The following CADM2 variants were observed in gnomAD, a reference collection of about 807,000 sequenced individuals.
The protein encoded by CADM2 is immunoglobulin superfamily member 4D.
A neutral mutation model predicts 49.8 loss-of-function variants in CADM2; 12 were observed. That is an observed-to-expected ratio of 0.24 (90% CI 0.15 to 0.39). The LOEUF is 0.39. Ranked by LOEUF, CADM2 falls within the 10% of genes least tolerant of loss-of-function variation. The probability of loss-of-function intolerance (pLI) is 1.00; values close to 1 mark genes in which losing one functional copy is unlikely to be tolerated. For synonymous variants in CADM2, 214 were observed against 175.4 expected (o/e 1.22, Z -1.74); for missense variants, 378 against 492.3 (o/e 0.77, Z 2.20).
At chr3:85,409,793 A>C (rs1426766657) in intron 1 of CADM2, among the ~76,000 whole-genome samples, 6 of 152,120 alleles carry the variant, frequency 3.9e-5, no homozygotes, top group Admixed American at 2.6e-4. Context: ...CTGTCACTAG[A>C]TGTGAAAGAT....
intron 1 of CADM2, among the ~76,000 whole-genome samples, chr3:85,464,126 A>C (rs2038381896): frequency 6.6e-6 from 1 of 152,176 alleles, no homozygotes; most frequent in Non-Finnish European, 1.5e-5. Flanking sequence ...ATTTTGGTGA[A>C]TAATGAGACC....
At chr3:85,770,544 C>G (rs1377539499) in intron 2 of CADM2, among the ~76,000 whole-genome samples, 30 of 152,066 alleles carry the variant, frequency 2.0e-4, no homozygotes, top group Admixed American at 2.0e-3. Context: ...GTCTGAAACT[C>G]CTGGGCTCAA....
chr3:85,039,266 G>A (rs554740309), intron 1 of CADM2, among the ~76,000 whole-genome samples: 4 of 152,070 alleles, frequency 2.6e-5, no homozygotes, highest in Non-Finnish European at 5.9e-5. Context: ...CTCCCAAAGT[G>A]CTGAGCCCCA....
At chr3:85,751,345 G>A (rs994768071) in intron 2 of CADM2, among the ~76,000 whole-genome samples, 2 of 152,086 alleles carry the variant, frequency 1.3e-5, no homozygotes, top group African/African-American at 2.4e-5. Flanking sequence ...CAGGATTGAA[G>A]AGTAAAACTC....
At chr3:85,832,907 C>T (rs1226103992) in intron 3 of CADM2, among the ~76,000 whole-genome samples, 1 of 151,850 alleles carries the variant, frequency 6.6e-6, no homozygotes, top group Non-Finnish European at 1.5e-5. Context: ...ATGCTTCCAG[C>T]TTCCGCTCAT....
chr3:85,205,072 C>CAGTAGTGT (rs1429101577), intron 1 of CADM2, among the ~76,000 whole-genome samples: 1 of 147,758 alleles, frequency 6.8e-6, no homozygotes, highest in African/African-American at 2.5e-5. Flanking sequence ...GGCTGGAGTG[C>CAGTAGTGT]AGTAGTGTAA....
At chr3:85,531,686 T>G (rs1275155087) in intron 1 of CADM2, among the ~76,000 whole-genome samples, 2 of 152,154 alleles carry the variant, frequency 1.3e-5, no homozygotes. Context: ...AAAATACATA[T>G]CCTTTTATAG....
chr3:85,290,228 G>A (rs541851665), intron 1 of CADM2, among the ~76,000 whole-genome samples: 6 of 152,268 alleles, frequency 3.9e-5, no homozygotes, highest in East Asian at 3.9e-4. Context: ...GCGCTTTTCC[G>A]ATCGGCTTAA....
At chr3:85,779,905 A>G (rs2070548060) in intron 2 of CADM2, among the ~76,000 whole-genome samples, 1 of 152,202 alleles carries the variant, frequency 6.6e-6, no homozygotes, top group South Asian at 2.1e-4. Flanking sequence ...GGAGCTAGGT[A>G]GGTAGTACAA....
At position 85,999,221 on chromosome 3, in the gene CADM2, A is replaced by C. The variant is rs138145024; in HGVS notation, c.970+37574A>C. On this transcript the variant is annotated intron_variant, in intron 8 of 9. Coordinates refer to ENST00000383699, the MANE Select transcript of CADM2 (RefSeq NM_001167675.2). Reference sequence around the variant, plus strand: ...TGAAAAGTACTTATTTAATTTTGCCAGGCGTGGTGGCTCACACCTGTAATC... The same window carrying C: ...TGAAAAGTACTTATTTAATTTTGCCCGGCGTGGTGGCTCACACCTGTAATC... Among the ~76,000 whole-genome samples, 804 of 145,778 alleles carry C rather than the reference A, an allele frequency of 5.5e-3. 4 individuals carry two copies. Among genetic ancestry groups the C allele is most frequent in the Non-Finnish European group, 8.7e-3 (577 of 66,480 alleles).
chr3:85,257,150 C>A (rs1204690731), intron 1 of CADM2, among the ~76,000 whole-genome samples: 4 of 152,062 alleles, frequency 2.6e-5, no homozygotes, highest in African/African-American at 9.7e-5. Flanking sequence ...AGGTTTTGAA[C>A]TCAGGCACTA....
intron 1 of CADM2, among the ~76,000 whole-genome samples, chr3:85,528,079 G>A (rs1175015244): frequency 6.6e-6 from 1 of 152,116 alleles, no homozygotes; most frequent in Non-Finnish European, 1.5e-5. Context: ...CATCTCGCAA[G>A]CACAGAAATC....
At chr3:85,271,943 C>T (rs561838873) in intron 1 of CADM2, among the ~76,000 whole-genome samples, 1 of 151,306 alleles carries the variant, frequency 6.6e-6, no homozygotes, top group Admixed American at 6.6e-5. Context: ...CTTATTATTT[C>T]ATTCTTCTGT....
rs558541876 is a variant in CADM2, at chr3:85,038,287, T to C, written c.61+78619T>C. Among the ~76,000 whole-genome samples the C allele has an allele frequency of 3.3e-5, 5 of 152,358 alleles. 1 individual carries two copies. The South Asian group carries it at 1.0e-3, about 32-fold the overall frequency. On this transcript the variant is annotated intron_variant, in intron 1 of 9. Transcript: ENST00000383699. Reference sequence around the variant, plus strand: ...TCACACATAAAGTAAAGGACACTTATGCATACTACAGACTGTTTAGTGAAA... The same window carrying C: ...TCACACATAAAGTAAAGGACACTTACGCATACTACAGACTGTTTAGTGAAA...
intron 7 of CADM2, among the ~76,000 whole-genome samples, chr3:85,959,034 A>G (rs1342518486): frequency 7.9e-6 from 1 of 126,402 alleles, no homozygotes; most frequent in Non-Finnish European, 1.5e-5. Context: ...AAAAATCTAT[A>G]TCTATATCTA....
intron 1 of CADM2, among the ~76,000 whole-genome samples, chr3:85,439,365 C>A (rs1371658203): frequency 6.6e-6 from 1 of 151,900 alleles, no homozygotes; most frequent in Admixed American, 6.6e-5. Context: ...GTTGTCCAGG[C>A]TGGTCTCGGA....
At chr3:84,998,291 C>T (rs2033278861) in intron 1 of CADM2, among the ~76,000 whole-genome samples, 1 of 152,056 alleles carries the variant, frequency 6.6e-6, no homozygotes, top group Non-Finnish European at 1.5e-5. Context: ...GATAATTTTG[C>T]ATTCATATTT....
chr3:85,481,955 CAG>C (rs1276898237), intron 1 of CADM2, among the ~76,000 whole-genome samples: 2 of 151,372 alleles, frequency 1.3e-5, no homozygotes, highest in Admixed American at 6.6e-5. Flanking sequence ...AAATAATAAA[CAG>C]AGATCAATGG....
rs1389580224 is a variant in CADM2, at chr3:85,150,815, A to G, written c.61+191147A>G. On this transcript the variant is annotated intron_variant, in intron 1 of 9. Transcript: ENST00000383699. ...TCCCAGCTACTTGGGCAACTGAGGC[A>G]GGAGAATGTCTTCAACCCAAGAGGC... 3.9e-5 allele frequency among the ~76,000 whole-genome samples: 6 copies of G among 152,104 alleles called. No homozygotes were observed. In the East Asian group the frequency reaches 1.2e-3, roughly 29 times the overall value.
Sources: gnomAD v4.1 joint callset for allele counts (sites outside exome capture counted in the v4.1 genomes callset) on GRCh38, gnomAD v4.1.1 for gene constraint, MANE v1.5 for transcripts, NCBI Gene and HGNC (gene_info 2026-07-23, HGNC 2026-07-21) for gene names.